Variants in SYT1 observed in about 807,000 individuals in gnomAD.
The protein encoded by SYT1 is synaptotagmin-1.
A neutral mutation model predicts 44.8 loss-of-function variants in SYT1; 8 were observed. The ratio of observed to expected loss-of-function variants is 0.18; its 90% CI spans 0.10 to 0.32. The LOEUF (loss-of-function observed/expected upper bound fraction) is 0.32, where lower values mean the gene tolerates loss of function less well. Ranked by LOEUF, SYT1 falls within the 10% of genes least tolerant of loss-of-function variation. The pLI is 1.00. For synonymous variants in SYT1, 154 were observed against 188.8 expected (o/e 0.82, Z 1.51); for missense variants, 286 against 509.3 (o/e 0.56, Z 4.22).
intron 9 of SYT1, among the ~76,000 whole-genome samples, chr12:79,373,243 T>C (rs1883863844): frequency 6.6e-6 from 1 of 152,306 alleles, no homozygotes; most frequent in Non-Finnish European, 1.5e-5. Flanking sequence ...TCCGATGAGA[T>C]CAGACATCTT....
intron 4 of SYT1, among the ~76,000 whole-genome samples, chr12:79,268,400 A>G (rs905866164): frequency 6.6e-6 from 1 of 152,228 alleles, no homozygotes; most frequent in Non-Finnish European, 1.5e-5. Flanking sequence ...TTAATTTGGA[A>G]TTAAGATGAT....
At chr12:79,131,000 A>G (rs746520788) in intron 3 of SYT1, among the ~76,000 whole-genome samples, 1 of 152,092 alleles carries the variant, frequency 6.6e-6, no homozygotes, top group Non-Finnish European at 1.5e-5. Flanking sequence ...ATCCCACTGC[A>G]TTACAACCAT....
At chr12:79,238,322 A>G (rs967292784) in intron 4 of SYT1, among the ~76,000 whole-genome samples, 1 of 152,158 alleles carries the variant, frequency 6.6e-6, no homozygotes, top group African/African-American at 2.4e-5. Context: ...TTTTTGGACC[A>G]TTAAAGAAAT....
At chr12:79,109,804 A>G (rs1185645568) in intron 3 of SYT1, among the ~76,000 whole-genome samples, 1 of 152,126 alleles carries the variant, frequency 6.6e-6, no homozygotes, top group Non-Finnish European at 1.5e-5. Flanking sequence ...TCAGTGTTTT[A>G]TTGCAGACTA....
chr12:78,915,790 C>T (rs10861154), intron 1 of SYT1, among the ~76,000 whole-genome samples: 115,915 of 151,842 alleles, frequency 0.76, 44,794 homozygotes, highest in African/African-American at 0.87. Context: ...CTGCTTCTTA[C>T]CATGGATATT....
chr12:79,146,045 C>G (rs1869889567), intron 3 of SYT1, among the ~76,000 whole-genome samples: 2 of 152,158 alleles, frequency 1.3e-5, no homozygotes, highest in African/African-American at 4.8e-5. Context: ...GCGTGAGCCA[C>G]CGCGCCCGGC....
intron 2 of SYT1, among the ~76,000 whole-genome samples, chr12:79,022,009 A>G (rs1218817176): frequency 6.6e-6 from 1 of 151,756 alleles, no homozygotes; most frequent in Non-Finnish European, 1.5e-5. Flanking sequence ...ACAGTGTAAA[A>G]CAGAGATAAA....
chr12:79,260,842 T>G (rs1191653151), intron 4 of SYT1, among the ~76,000 whole-genome samples: 1 of 152,090 alleles, frequency 6.6e-6, no homozygotes, highest in African/African-American at 2.4e-5. Flanking sequence ...CAAGCCATTC[T>G]GTTAAAAGGG....
chr12:79,081,708 G>A (rs991297802), intron 3 of SYT1, among the ~76,000 whole-genome samples: 2 of 152,068 alleles, frequency 1.3e-5, no homozygotes, highest in African/African-American at 4.8e-5. Context: ...AGTGACATGT[G>A]AGGCCTATTC....
intron 1 of SYT1, among the ~76,000 whole-genome samples, chr12:78,890,174 G>A (rs1874972006): frequency 6.6e-6 from 1 of 151,824 alleles, no homozygotes; most frequent in Non-Finnish European, 1.5e-5. Flanking sequence ...AAGGTGACTT[G>A]CCTTGAAAGC....
intron 2 of SYT1, among the ~76,000 whole-genome samples, chr12:78,987,512 T>C (rs1869727570): frequency 6.6e-6 from 1 of 151,986 alleles, no homozygotes; most frequent in Admixed American, 6.6e-5. Context: ...CTTGTTATAT[T>C]TTATAGTTAC....
intron 3 of SYT1, among the ~76,000 whole-genome samples, chr12:79,058,567 C>A (rs754586191): frequency 1.3e-5 from 2 of 152,018 alleles, no homozygotes; most frequent in Non-Finnish European, 2.9e-5. Context: ...CTCAGTACAG[C>A]TGGTATGGGG....
At chr12:79,179,506 G>GATATAGAT (rs1872346912) in intron 3 of SYT1, among the ~76,000 whole-genome samples, 1 of 90,724 alleles carries the variant, frequency 1.1e-5, no homozygotes, top group Non-Finnish European at 2.1e-5. Flanking sequence ...TATAGATATA[G>GATATAGAT]ATATAGATAT....
At chr12:79,422,951 G>T (rs1869209222) in intron 9 of SYT1, among the ~76,000 whole-genome samples, 1 of 152,076 alleles carries the variant, frequency 6.6e-6, no homozygotes, top group African/African-American at 2.4e-5. Flanking sequence ...GAAAGAAGCA[G>T]CCCACTTCTG....
intron 8 of SYT1, among the ~76,000 whole-genome samples, chr12:79,314,660 C>G (rs1171292171): frequency 6.6e-6 from 1 of 152,188 alleles, no homozygotes; most frequent in Non-Finnish European, 1.5e-5. Context: ...ACCAGTTTGA[C>G]AGTTCCTCAA....
At chr12:79,220,081 CT>C (rs1437605243) in intron 4 of SYT1, among the ~76,000 whole-genome samples, 2 of 151,898 alleles carry the variant, frequency 1.3e-5, no homozygotes, top group African/African-American at 4.8e-5. Context: ...TTTTTTATTA[CT>C]GATTCAATCT....
At chr12:79,132,433 A>G (rs1271190527) in intron 3 of SYT1, among the ~76,000 whole-genome samples, 1 of 149,756 alleles carries the variant, frequency 6.7e-6, no homozygotes, top group Non-Finnish European at 1.5e-5. Context: ...TGAGCGACAG[A>G]GCAAGATTCC....
intron 5 of SYT1, 107 bp downstream of exon 5, chr12:79,286,078 C>T (rs1879301217): frequency 4.0e-6 from 5 of 1,250,958 alleles, no homozygotes; most frequent in Non-Finnish European, 5.4e-6. Flanking sequence ...GGACCCATAT[C>T]GTTTTTGAGA....
intron 3 of SYT1, among the ~76,000 whole-genome samples, chr12:79,130,085 CT>C (rs1298629601): frequency 6.6e-6 from 1 of 152,060 alleles, no homozygotes; most frequent in African/African-American, 2.4e-5. Context: ...GGAAAATTTG[CT>C]AAGTTTCAGC....
Sources: allele counts gnomAD v4.1 joint callset (sites outside exome capture counted in the v4.1 genomes callset), GRCh38; gene constraint gnomAD v4.1.1; transcripts MANE v1.5; gene names NCBI Gene and HGNC (gene_info 2026-07-23, HGNC 2026-07-21).